Variants in TNFRSF8 observed in about 807,000 individuals in gnomAD.
TNFRSF8 encodes the protein TNF receptor superfamily member 8, also known as tumor necrosis factor receptor superfamily member 8.
Under a neutral mutation model 70.8 loss-of-function variants are expected in TNFRSF8, and 26 were observed. That is an observed-to-expected ratio of 0.37 (90% CI 0.27 to 0.51). TNFRSF8 has a LOEUF of 0.51. Among genes scored for constraint, TNFRSF8 ranks in the 20% least tolerant of loss-of-function variants. The pLI is 0.94. For synonymous variants in TNFRSF8, 356 were observed against 339.2 expected (o/e 1.05, Z -0.54); for missense variants, 720 against 807.9 (o/e 0.89, Z 1.32).
intron 2 of TNFRSF8, among the ~76,000 whole-genome samples, chr1:12,089,447 C>A (rs1641209712): frequency 1.3e-5 from 2 of 152,228 alleles, no homozygotes; most frequent in Admixed American, 6.5e-5. Context: ...CAGCCTCTCT[C>A]TCCTGTCCAT....
rs1460630372 is a variant in TNFRSF8 at position 12,110,503 on chromosome 1, C to G, written c.676+299C>G. ...TCAGAGGGAAATGGGTCCCACTCTG[C>G]TGTTGTGACACTTGCGACTCAGCTG... is the stretch of plus-strand genomic sequence containing the variant. On this transcript the variant is annotated intron_variant, in intron 6 of 14. Transcript: ENST00000263932. The surrounding 1 kb of genome is among the most constrained non-coding windows in gnomAD (Gnocchi z 4.0). 6.6e-6 allele frequency among the ~76,000 whole-genome samples: 1 copy of G among 152,240 alleles called. No homozygotes were observed.
intron 8 of TNFRSF8, among the ~76,000 whole-genome samples, chr1:12,117,612 C>CT (rs1447280877): frequency 6.6e-6 from 1 of 152,148 alleles, no homozygotes; most frequent in Non-Finnish European, 1.5e-5. Flanking sequence ...GGAAGAGACC[C>CT]ATTGTGAACA....
At chr1:12,074,364 C>T (rs112567254) in intron 1 of TNFRSF8, among the ~76,000 whole-genome samples, 5 of 152,098 alleles carry the variant, frequency 3.3e-5, no homozygotes, top group African/African-American at 1.2e-4. Flanking sequence ...ACTGCAACCT[C>T]CGCCTCCCGG....
intron 4 of TNFRSF8, among the ~76,000 whole-genome samples, chr1:12,104,870 G>C (rs1339091265): frequency 6.6e-6 from 1 of 152,202 alleles, no homozygotes; most frequent in East Asian, 1.9e-4. Flanking sequence ...TTTCCTAGAA[G>C]ATTGGGGTTG....
intron 10 of TNFRSF8, 132 bp from the exon 11 acceptor site, chr1:12,125,819 G>C: frequency 1.3e-6 from 1 of 774,642 alleles, no homozygotes; most frequent in South Asian, 1.5e-5. Context: ...AAGAGCCTTG[G>C]CTTGGAAAGG....
At chr1:12,075,460 A>G (rs1640927723) in intron 1 of TNFRSF8, among the ~76,000 whole-genome samples, 1 of 152,094 alleles carries the variant, frequency 6.6e-6, no homozygotes, top group South Asian at 2.1e-4. Flanking sequence ...ATGACAGTGA[A>G]GAGCTTCCAT....
chr1:12,063,466 G>A lies in TNFRSF8; in HGVS notation c.-133G>A. 1.4e-6 allele frequency: 1 copy of A among 710,198 alleles called. No homozygotes were observed. The highest frequency in any genetic ancestry group is 5.8e-5 in the South Asian group (1 of 17,096). The allele number at this position is 710,198 out of a possible 1,614,324, so 44.0% of individuals were successfully genotyped here. A position where few individuals can be genotyped will look rare whatever the true frequency, so the allele number is the denominator to read the frequency against. ...CGTTGGGTGCGGACTAGGTGGCCGC[G>A]GCGGGAGTGTGCTGGAGCCTGAAGT... On this transcript the variant is annotated 5_prime_UTR_variant, in exon 1 of 15. Transcript: ENST00000263932. This position sits in a 1 kb window ranked among gnomAD's most constrained non-coding sequence, Gnocchi z 7.2.
intron 12 of TNFRSF8, among the ~76,000 whole-genome samples, chr1:12,130,966 C>T (rs1280473885): frequency 2.0e-5 from 3 of 152,192 alleles, no homozygotes; most frequent in Admixed American, 6.5e-5. Flanking sequence ...AATGTCAGAG[C>T]CTTCCAGATT....
chr1:12,124,066 C>T (rs567104984), intron 10 of TNFRSF8, among the ~76,000 whole-genome samples: 1 of 152,122 alleles, frequency 6.6e-6, no homozygotes, highest in Non-Finnish European at 1.5e-5. Flanking sequence ...GGCAGTGGCA[C>T]CCATCTTGGC....
chr1:12,100,956 C>CAA (rs57753344), intron 3 of TNFRSF8, among the ~76,000 whole-genome samples: 4 of 114,030 alleles, frequency 3.5e-5, no homozygotes, highest in Non-Finnish European at 6.1e-5. Flanking sequence ...GACTCTGTCT[C>CAA]AAAAAAAAAA....
At chr1:12,123,438 C>A (rs577272664) in intron 9 of TNFRSF8, 61 bp downstream of exon 9, 1 of 1,470,032 alleles carries the variant, frequency 6.8e-7, no homozygotes, top group Non-Finnish European at 9.3e-7. Context: ...CCCTGCCATG[C>A]CCAGGGGATG....
At chr1:12,133,738 CAAAAAAA>C (rs34040378) in intron 12 of TNFRSF8, among the ~76,000 whole-genome samples, 2 of 91,008 alleles carry the variant, frequency 2.2e-5, no homozygotes, top group Non-Finnish European at 2.1e-5. Context: ...GACTCCATCT[CAAAAAAA>C]AAAAAAAAAA....
chr1:12,133,655 G>A (rs868839224), intron 12 of TNFRSF8, among the ~76,000 whole-genome samples: 11 of 147,986 alleles, frequency 7.4e-5, no homozygotes, highest in African/African-American at 1.3e-4. Context: ...CAGGAGAATC[G>A]CTTGAACCCA....
At chr1:12,077,654 G>A (rs1640989140) in intron 1 of TNFRSF8, among the ~76,000 whole-genome samples, 1 of 152,178 alleles carries the variant, frequency 6.6e-6, no homozygotes, top group African/African-American at 2.4e-5. Flanking sequence ...GCTTCCCAGA[G>A]GAAGTGGCAC....
At chr1:12,082,195 A>G (rs978809052) in intron 1 of TNFRSF8, among the ~76,000 whole-genome samples, 19 of 152,328 alleles carry the variant, frequency 1.2e-4, no homozygotes, top group African/African-American at 4.3e-4. Flanking sequence ...ATCCTTTCTT[A>G]TGATGGTGCT....
Position 12,109,684 on chromosome 1 carries a change from T to G in TNFRSF8, c.512+28T>G. 6.3e-7 allele frequency: 1 copy of G among 1,592,968 alleles called. No individual in the cohort carries two copies. The highest frequency in any genetic ancestry group is 8.6e-7 in the Non-Finnish European group (1 of 1,162,030). ...GACTCCCTGGCTTTGCCTCCTCCTCTTCCCCCAAGCTGGCTTTCAGATGAG... is the reference window on the plus strand; with the variant it reads ...GACTCCCTGGCTTTGCCTCCTCCTCGTCCCCCAAGCTGGCTTTCAGATGAG... On this transcript the variant is annotated intron_variant, in intron 5 of 14. Coordinates refer to ENST00000263932, the MANE Select transcript of TNFRSF8 (RefSeq NM_001243.5). The surrounding 1 kb of genome is among the most constrained non-coding windows in gnomAD (Gnocchi z 4.4).
Position 12,109,689 on chromosome 1 carries a change from CCAAGCTGGCTTT to C in TNFRSF8, c.512+36_512+47del. Reference sequence around the variant, plus strand: ...CCTGGCTTTGCCTCCTCCTCTTCCCCCAAGCTGGCTTTCAGATGAGGCTGCCCCACCCCACAG... The same window carrying C: ...CCTGGCTTTGCCTCCTCCTCTTCCCCCAGATGAGGCTGCCCCACCCCACAG... On this transcript the variant is annotated intron_variant, in intron 5 of 14. Transcript: ENST00000263932. This position sits in a 1 kb window ranked among gnomAD's most constrained non-coding sequence, Gnocchi z 4.4. 2 of 1,586,412 alleles carry C rather than the reference CCAAGCTGGCTTT, an allele frequency of 1.3e-6. No individual in the cohort carries two copies. Among genetic ancestry groups the C allele is most frequent in the Non-Finnish European group, 1.7e-6 (2 of 1,156,380 alleles).
At chr1:12,070,754 T>C (rs187308304) in intron 1 of TNFRSF8, among the ~76,000 whole-genome samples, 3 of 152,290 alleles carry the variant, frequency 2.0e-5, no homozygotes, top group East Asian at 3.9e-4. Flanking sequence ...AGGTGTCATT[T>C]TGGGATGTGG....
At chr1:12,129,685 A>G (rs1440949382) in intron 12 of TNFRSF8, among the ~76,000 whole-genome samples, 1 of 152,178 alleles carries the variant, frequency 6.6e-6, no homozygotes, top group Non-Finnish European at 1.5e-5. Context: ...GGAAGGTCCC[A>G]GGAATGATGC....
Sources: gnomAD v4.1 joint callset for allele counts (sites outside exome capture counted in the v4.1 genomes callset) on GRCh38, gnomAD v4.1.1 for gene constraint, Gnocchi (gnomAD v3.1) non-coding constraint, MANE v1.5 for transcripts, NCBI Gene and HGNC (gene_info 2026-07-23, HGNC 2026-07-21) for gene names.